Variants in P3H2 observed in about 807,000 individuals in gnomAD.
P3H2 encodes the protein leprecan-like 1.
In P3H2, 80 loss-of-function variants were observed where a neutral mutation model predicts 87.0. The ratio of observed to expected loss-of-function variants is 0.92; its 90% confidence interval spans 0.77 to 1.11. The LOEUF is 1.11. Ranked by LOEUF, P3H2 falls within the 50% of genes least tolerant of loss-of-function variation. The pLI is 0.00. For missense variants in P3H2, 1,001 were observed against 923.9 expected (o/e 1.08, Z -1.08); for synonymous variants, 367 against 359.3 (o/e 1.02, Z -0.24).
rs75401850 is a variant in P3H2, at chr3:190,106,653, A to C, written c.480+13599T>G. ...GTAGACAAGTTTCATACAGTCTCAA[A>C]CAACCGATATGTCAGAACTTTTTTT... On this transcript the variant is annotated intron_variant, in intron 1 of 14. Coordinates refer to ENST00000319332, the MANE Select transcript of P3H2 (RefSeq NM_018192.4). 9.1e-3 allele frequency among the ~76,000 whole-genome samples: 1,387 copies of C among 152,268 alleles called. 24 individuals are homozygous for C. Among genetic ancestry groups the C allele is most frequent in the African/African-American group, 0.03 (1,242 of 41,552 alleles).
intron 13 of P3H2, among the ~76,000 whole-genome samples, chr3:189,964,672 T>C (rs1188592809): frequency 6.6e-6 from 1 of 152,252 alleles, no homozygotes; most frequent in Non-Finnish European, 1.5e-5. Flanking sequence ...CTTTACACTA[T>C]TGTTTCCCAG....
chr3:190,098,191 C>G (rs187913405), intron 1 of P3H2, among the ~76,000 whole-genome samples: 23 of 152,238 alleles, frequency 1.5e-4, no homozygotes, highest in Middle Eastern at 6.8e-3. Context: ...TTTCAAAATA[C>G]TTTCCTTAGT....
At chr3:190,077,382 T>C (rs925829048) in intron 1 of P3H2, among the ~76,000 whole-genome samples, 8 of 152,310 alleles carry the variant, frequency 5.3e-5, no homozygotes, top group Middle Eastern at 3.4e-3. Flanking sequence ...GGAAAATCAG[T>C]TGAAATTGAA....
intron 1 of P3H2, among the ~76,000 whole-genome samples, chr3:190,049,774 A>T (rs1460119720): frequency 6.6e-6 from 1 of 152,196 alleles, no homozygotes; most frequent in Non-Finnish European, 1.5e-5. Flanking sequence ...AAATAGTTTC[A>T]CGGAATCAAA....
chr3:190,041,035 T>TAC (rs1560374955), intron 1 of P3H2, among the ~76,000 whole-genome samples: 3 of 39,802 alleles, frequency 7.5e-5, no homozygotes, highest in Non-Finnish European at 1.3e-4. Context: ...TATATATATA[T>TAC]ATACACACAC....
chr3:190,027,943 G>A (rs1725132874), intron 1 of P3H2, among the ~76,000 whole-genome samples: 1 of 149,582 alleles, frequency 6.7e-6, no homozygotes, highest in Non-Finnish European at 1.5e-5. Context: ...ACTCTAGCCT[G>A]GGCGACAGAG....
Position 190,095,303 on chromosome 3 carries a change from CATATATATATATATATATAT to C in P3H2, c.480+24929_480+24948del, listed in dbSNP as rs57074960. On this transcript the variant is annotated intron_variant, in intron 1 of 14. Coordinates refer to ENST00000319332, the MANE Select transcript of P3H2 (RefSeq NM_018192.4). The stretch of plus-strand genomic sequence containing the variant: ...GTCTCAAAGACAAATTGTCTCAAAA[CATATATATATATATATATAT>C]ATATATATATATATATATATATATA... Among the ~76,000 whole-genome samples the C allele has an allele frequency of 3.9e-3, 191 of 49,446 alleles. 2 individuals are homozygous for C. Among genetic ancestry groups the C allele is most frequent in the African/African-American group, 0.011 (117 of 11,140 alleles). 32.4% of individuals were successfully genotyped at this position (49,446 alleles called of 152,430 possible). A position where few individuals can be genotyped will look rare whatever the true frequency, so the allele number is the denominator to read the frequency against.
chr3:190,075,521 C>A (rs1410160361), intron 1 of P3H2, among the ~76,000 whole-genome samples: 7 of 151,110 alleles, frequency 4.6e-5, no homozygotes, highest in Non-Finnish European at 7.4e-5. Flanking sequence ...AAAAGAAAAG[C>A]AAAAAGAAAA....
At chr3:190,043,485 A>C (rs1205687877) in intron 1 of P3H2, among the ~76,000 whole-genome samples, 1 of 152,224 alleles carries the variant, frequency 6.6e-6, no homozygotes, top group African/African-American at 2.4e-5. Flanking sequence ...AGAACAGCAG[A>C]GTGCAGGTCA....
At chr3:189,983,221 T>C in intron 7 of P3H2, 81 bp from the exon 8 acceptor site, 1 of 1,017,546 alleles carries the variant, frequency 9.8e-7, no homozygotes, top group South Asian at 1.3e-5. Context: ...ACCAAGGTAG[T>C]CTGTGACTCT....
intron 1 of P3H2, among the ~76,000 whole-genome samples, chr3:190,083,331 T>C (rs1315740908): frequency 1.3e-5 from 2 of 152,164 alleles, no homozygotes; most frequent in Admixed American, 1.3e-4. Context: ...AAGTTGTGCC[T>C]TATCCACATC....
chr3:190,058,658 C>T (rs976159504), intron 1 of P3H2, among the ~76,000 whole-genome samples: 4 of 152,160 alleles, frequency 2.6e-5, no homozygotes, highest in African/African-American at 9.6e-5. Flanking sequence ...GAAGGGCGAC[C>T]TGCTTTGCTG....
intron 1 of P3H2, among the ~76,000 whole-genome samples, chr3:190,023,019 T>C (rs201208772): frequency 6.6e-6 from 1 of 151,812 alleles, no homozygotes; most frequent in African/African-American, 2.4e-5. Flanking sequence ...GTAGAGACGG[T>C]GTTTCACCGT....
At chr3:190,027,622 AC>A (rs1301528173) in intron 1 of P3H2, among the ~76,000 whole-genome samples, 21 of 136,880 alleles carry the variant, frequency 1.5e-4, no homozygotes, top group African/African-American at 5.3e-4. Flanking sequence ...TGCGGTTTTT[AC>A]CTTTTTTTTT....
At chr3:190,083,198 A>T (rs959916617) in intron 1 of P3H2, among the ~76,000 whole-genome samples, 1 of 152,210 alleles carries the variant, frequency 6.6e-6, no homozygotes, top group Non-Finnish European at 1.5e-5. Context: ...TACCAAGAAG[A>T]CATATGGTCT....
intron 1 of P3H2, among the ~76,000 whole-genome samples, chr3:190,029,997 C>T (rs1010567210): frequency 5.6e-5 from 7 of 125,192 alleles, no homozygotes; most frequent in Non-Finnish European, 3.5e-5. Context: ...AGTTAAACTC[C>T]GTCTCAAAAA....
intron 1 of P3H2, among the ~76,000 whole-genome samples, chr3:190,111,350 C>T (rs946755998): frequency 6.6e-6 from 1 of 152,144 alleles, no homozygotes; most frequent in African/African-American, 2.4e-5. Flanking sequence ...GAATGGAAGT[C>T]AGGGTTCTTG....
intron 1 of P3H2, among the ~76,000 whole-genome samples, chr3:190,111,822 T>C (rs1279494362): frequency 3.3e-5 from 5 of 152,178 alleles, no homozygotes; most frequent in Non-Finnish European, 7.4e-5. Context: ...CCATAAACAA[T>C]ATTCTTGACA....
chr3:190,021,031 A>G (rs1308871417), intron 1 of P3H2, among the ~76,000 whole-genome samples: 5 of 133,808 alleles, frequency 3.7e-5, no homozygotes, highest in African/African-American at 1.3e-4. Context: ...AAAATCTGAG[A>G]CCCCAGGACC....
Sources: gnomAD v4.1 joint callset for allele counts (sites outside exome capture counted in the v4.1 genomes callset) on GRCh38, gnomAD v4.1.1 for gene constraint, MANE v1.5 for transcripts, NCBI Gene and HGNC (gene_info 2026-07-23, HGNC 2026-07-21) for gene names.